The following SATL1 variants were observed in gnomAD, a reference collection of about 807,000 sequenced individuals.
SATL1 encodes spermidine/spermine N1-acetyl transferase like 1.
In SATL1, 47 loss-of-function variants were observed where a neutral mutation model predicts 51.8. The observed-to-expected ratio is 0.91, with a 90% CI of 0.72 to 1.16. The LOEUF is 1.16. Among genes scored for constraint, SATL1 ranks in the 50% most tolerant of loss-of-function variants. The pLI is 0.00. For synonymous variants in SATL1, 176 were observed against 182.4 expected (o/e 0.97, Z 0.28); for missense variants, 520 against 526.4 (o/e 0.99, Z 0.12).
At chrX:85,239,295 G>A (rs1413795771) in intron 1 of SATL1, among the ~76,000 whole-genome samples, 1 of 111,217 alleles carries the variant, frequency 9.0e-6, no homozygotes, top group Non-Finnish European at 1.9e-5. Flanking sequence ...AACTGAAAAT[G>A]TTTGGTACAA....
At position 85,098,846 on chromosome X, in the gene SATL1, TA is replaced by T. The variant is rs1005568880; in HGVS notation, c.1694-3851del. ...GAAAATTATAGCTGTAAATGCCATT[TA>T]AAAAATTATCTAAAACAATAATCTA... On this transcript the variant is annotated intron_variant, in intron 4 of 7. Transcript: ENST00000644105. 9.9e-5 allele frequency among the ~76,000 whole-genome samples: 11 copies of T among 111,592 alleles called. No individual in the cohort carries two copies. The Admixed American group carries it at 1.1e-3, about 11-fold the overall frequency.
chrX:85,131,582 A>G (rs1379053870), intron 2 of SATL1, among the ~76,000 whole-genome samples: 1 of 110,841 alleles, frequency 9.0e-6, no homozygotes, highest in Non-Finnish European at 1.9e-5. Context: ...AGCACACTGA[A>G]GGGTATTGAC....
rs201321430 is a variant in SATL1, at chrX:85,167,251, T to TGGG, written c.-313+56951_-313+56953dup. On this transcript the variant is annotated intron_variant, in intron 2 of 7. Coordinates refer to ENST00000644105, the MANE Select transcript of SATL1 (RefSeq NM_001367857.2). ...AATGAACTCTGGGGAATCAGAGAGA[T>TGGG]GGGGGGGGGGTTGATGAGGGACAAA... is the stretch of plus-strand genomic sequence containing the variant. 2.5e-3 allele frequency among the ~76,000 whole-genome samples: 214 copies of TGGG among 84,460 alleles called. 1 individual carries two copies. Among genetic ancestry groups the TGGG allele is most frequent in the African/African-American group, 8.9e-3 (200 of 22,381 alleles). 73.3% of individuals were successfully genotyped at this position (84,460 alleles called of 115,157 possible). A position where few individuals can be genotyped will look rare whatever the true frequency, so the allele number is the denominator to read the frequency against.
At chrX:85,193,129 T>C (rs1434783276) in intron 2 of SATL1, among the ~76,000 whole-genome samples, 1 of 111,931 alleles carries the variant, frequency 8.9e-6, no homozygotes, top group Non-Finnish European at 1.9e-5. Context: ...ATATCATTCA[T>C]TCAACAGATA....
At chrX:85,203,279 C>T (rs1255210192) in intron 2 of SATL1, among the ~76,000 whole-genome samples, 1 of 111,343 alleles carries the variant, frequency 9.0e-6, no homozygotes, top group Non-Finnish European at 1.9e-5. Context: ...AGAGGTCCCA[C>T]CCAGTGAGGA....
chrX:85,092,284 T>C lies in SATL1; in HGVS notation c.*107A>G, dbSNP rs1924541776. 1.2e-6 allele frequency: 1 copy of C among 845,352 alleles called. No homozygotes were observed. Among genetic ancestry groups the C allele is most frequent in the Non-Finnish European group, 1.6e-6 (1 of 625,928 alleles). 69.7% of individuals were successfully genotyped at this position (845,352 alleles called of 1,213,427 possible). ...AATAAAAGATCTGCTCAAACAAGAA[T>C]GTGATGATCACTTGCTGTATTGTAC... On this transcript the variant is annotated 3_prime_UTR_variant, in exon 8 of 8. Coordinates refer to ENST00000644105, the MANE Select transcript of SATL1 (RefSeq NM_001367857.2).
intron 2 of SATL1, among the ~76,000 whole-genome samples, chrX:85,142,229 T>C (rs1160660399): frequency 9.4e-6 from 1 of 105,935 alleles, no homozygotes; most frequent in Non-Finnish European, 1.9e-5. Flanking sequence ...ACCCCGTCTC[T>C]ACTAAAAATA....
chrX:85,240,493 T>C (rs764762841), intron 1 of SATL1, among the ~76,000 whole-genome samples: 5 of 111,963 alleles, frequency 4.5e-5, no homozygotes, highest in Non-Finnish European at 9.4e-5. Flanking sequence ...TTACTAACTG[T>C]ATTTCTTGCA....
At chrX:85,123,067 G>A (rs1315631396) in intron 2 of SATL1, among the ~76,000 whole-genome samples, 3 of 111,550 alleles carry the variant, frequency 2.7e-5, no homozygotes, top group Non-Finnish European at 1.9e-5. Flanking sequence ...CCATTGATGG[G>A]CATTTAGGTT....
chrX:85,242,240 A>G (rs1928624432), intron 1 of SATL1, among the ~76,000 whole-genome samples: 1 of 112,432 alleles, frequency 8.9e-6, no homozygotes, highest in Non-Finnish European at 1.9e-5. Context: ...TCCTGTTGGA[A>G]TTGCCATGGG....
rs185729802 is a variant in SATL1, at chrX:85,173,778, T to A, written c.-313+50427A>T. Among the ~76,000 whole-genome samples the A allele has an allele frequency of 4.7e-3, 518 of 110,162 alleles. 3 individuals are homozygous for A. Among genetic ancestry groups the A allele is most frequent in the African/African-American group, 0.016 (498 of 30,507 alleles). ...AATTGCCTCCAGAAGTCTTTTTTTTTAATTATTATTATACTTTAAGTTCTA... is the reference window on the plus strand; with the variant it reads ...AATTGCCTCCAGAAGTCTTTTTTTTAAATTATTATTATACTTTAAGTTCTA... On this transcript the variant is annotated intron_variant, in intron 2 of 7. Coordinates refer to ENST00000644105, the MANE Select transcript of SATL1 (RefSeq NM_001367857.2).
At chrX:85,184,807 A>G (rs1302568797) in intron 2 of SATL1, among the ~76,000 whole-genome samples, 2 of 112,020 alleles carry the variant, frequency 1.8e-5, no homozygotes, top group African/African-American at 3.2e-5. Flanking sequence ...ACGTATTTCT[A>G]ACTTCCCATA....
chrX:85,220,943 C>T lies in SATL1; in HGVS notation c.-313+3262G>A, dbSNP rs768968122. ...CTATTCATTCTGACACTATCATCGT[C>T]TGAAATACCACCACCTTTTCCCTGG... is the stretch of plus-strand genomic sequence containing the variant. On this transcript the variant is annotated intron_variant, in intron 2 of 7. Coordinates refer to ENST00000644105, the MANE Select transcript of SATL1 (RefSeq NM_001367857.2). Among the ~76,000 whole-genome samples, 93 of 111,402 alleles carry T rather than the reference C, an allele frequency of 8.3e-4. 1 individual carries two copies. Among genetic ancestry groups the T allele is most frequent in the African/African-American group, 2.9e-3 (90 of 30,664 alleles).
chrX:85,220,940 C>T (rs1325685237), intron 2 of SATL1, among the ~76,000 whole-genome samples: 1 of 111,251 alleles, frequency 9.0e-6, no homozygotes, highest in African/African-American at 3.3e-5. Context: ...ACACTATCAT[C>T]GTCTGAAATA....
intron 2 of SATL1, among the ~76,000 whole-genome samples, chrX:85,199,832 G>A (rs1041910863): frequency 9.0e-6 from 1 of 111,648 alleles, no homozygotes; most frequent in African/African-American, 3.2e-5. Flanking sequence ...GATTGGACAT[G>A]ACTAATGGGT....
At chrX:85,122,715 G>A (rs1602847828) in intron 2 of SATL1, among the ~76,000 whole-genome samples, 1 of 112,057 alleles carries the variant, frequency 8.9e-6, no homozygotes, top group East Asian at 2.8e-4. Flanking sequence ...ACATGGGTAA[G>A]CTGTATGTTC....
chrX:85,130,825 C>T (rs1439815624), intron 2 of SATL1, among the ~76,000 whole-genome samples: 1 of 111,682 alleles, frequency 9.0e-6, no homozygotes, highest in Non-Finnish European at 1.9e-5. Context: ...TAAATGTGTC[C>T]CAGAGATTCT....
intron 1 of SATL1, among the ~76,000 whole-genome samples, chrX:85,228,476 C>G (rs2147764494): frequency 9.0e-6 from 1 of 111,533 alleles, no homozygotes; most frequent in African/African-American, 3.2e-5. Flanking sequence ...TCTCTGCCTC[C>G]TTTAGAAGAA....
In SATL1 at chrX:85,107,356, T is replaced by A. The variant is rs749574125; in HGVS notation, c.1613A>T (p.Asp538Val). 1 of 1,211,864 alleles carries A rather than the reference T, an allele frequency of 8.3e-7. No individual in the cohort carries two copies. Among genetic ancestry groups the A allele is most frequent in the African/African-American group, 1.7e-5 (1 of 57,927 alleles). ...AATCAGTCGCAAAATTTCTGGGCAGTCTCCAGCCTCTGCATGTCTTATTTG... is the reference window on the plus strand; with the variant it reads ...AATCAGTCGCAAAATTTCTGGGCAGACTCCAGCCTCTGCATGTCTTATTTG... The part of the protein sequence containing the change: ...YFQIRHAEAG[D>V]CPEILRLIKE... Residue 538 changes from aspartate to valine, a missense_variant, in exon 3 of 8, where the codon GAC becomes GTC. Asp to Val is a radical substitution (Grantham distance 152). Around this residue, in one of 3 missense-constraint regions of SATL1, gnomAD observed 488 missense variants for 474.3 expected, o/e 1.03. Coordinates refer to ENST00000644105, the MANE Select transcript of SATL1 (RefSeq NM_001367857.2).
Sources: gnomAD v4.1 joint callset for allele counts (sites outside exome capture counted in the v4.1 genomes callset) on GRCh38, gnomAD v4.1.1 for gene constraint, gnomAD v4.1.1 regional missense constraint, MANE v1.5 for transcripts, NCBI Gene and HGNC (gene_info 2026-07-23, HGNC 2026-07-21) for gene names.